NUP58: variants seen among roughly 807,000 people sequenced by gnomAD.
The protein encoded by NUP58 is nucleoporin 58.
In NUP58, 17 loss-of-function variants were observed where a neutral mutation model predicts 70.1. The observed-to-expected ratio is 0.24, with a 90% confidence interval of 0.17 to 0.36. The LOEUF (loss-of-function observed/expected upper bound fraction) is 0.36, where lower values mean the gene tolerates loss of function less well. Among genes scored for constraint, NUP58 ranks in the 10% least tolerant of loss-of-function variants. The pLI is 1.00. For missense variants in NUP58, 644 were observed against 701.5 expected, an observed-to-expected ratio of 0.92 and a Z score of 0.93; for synonymous variants, 275 against 257.6, an observed-to-expected ratio of 1.07 and a Z score of -0.65.
intron 6 of NUP58, 63 bp downstream of exon 6, chr13:25,315,530 C>A: frequency 8.7e-7 from 1 of 1,149,262 alleles, no homozygotes; most frequent in South Asian, 1.3e-5. Flanking sequence ...CTAGGTTGCT[C>A]AAAATTCCTT....
chr13:25,323,696 T>G (rs1193121299), intron 9 of NUP58, among the ~76,000 whole-genome samples: 1 of 111,664 alleles, frequency 9.0e-6, no homozygotes. Flanking sequence ...TATACTTCAT[T>G]TTTAATAAGT....
chr13:25,342,518 C>G (rs2031986012), downstream of NUP58: 1 of 152,538 alleles, frequency 6.6e-6, no homozygotes. Context: ...GTTTATACAT[C>G]TTGCTCTTTT....
intron 12 of NUP58, among the ~76,000 whole-genome samples, chr13:25,327,978 A>G (rs2031461818): frequency 6.6e-6 from 1 of 152,086 alleles, no homozygotes; most frequent in African/African-American, 2.4e-5. Context: ...AGGCGGGCGA[A>G]TCACAAAGTC....
intron 3 of NUP58, chr13:25,349,478 C>T (rs530315285): frequency 6.6e-6 from 1 of 152,632 alleles, no homozygotes; most frequent in East Asian, 1.9e-4. Context: ...ACGTAAGGTG[C>T]TTAAATATAT....
chr13:25,304,293 G>A (rs2137702090), intron 1 of NUP58, among the ~76,000 whole-genome samples: 1 of 151,924 alleles, frequency 6.6e-6, no homozygotes, highest in South Asian at 2.1e-4. Flanking sequence ...ACATTGGTTT[G>A]AGGCAATAAT....
At chr13:25,308,148 T>A (rs1041616041) in intron 2 of NUP58, 200 bp downstream of exon 2, 1 of 464,564 alleles carries the variant, frequency 2.2e-6, no homozygotes, top group Non-Finnish European at 3.7e-6. Context: ...TACTCTGATA[T>A]AACGAAGGAA....
chr13:25,308,482 TTTTTTTAC>T (rs1218499041), intron 2 of NUP58, among the ~76,000 whole-genome samples: 4 of 147,468 alleles, frequency 2.7e-5, no homozygotes, highest in African/African-American at 8.0e-5. Context: ...TTTTTTTTTT[TTTTTTTAC>T]TTTTTTACTT....
intron 10 of NUP58, 55 bp from the exon 11 acceptor site, chr13:25,326,861 T>A: frequency 2.1e-6 from 2 of 944,044 alleles, no homozygotes; most frequent in South Asian, 3.2e-5. Context: ...TAATTTGGAT[T>A]TGTCACTCCA....
chr13:25,331,612 G>A, intron 13 of NUP58, 54 bp downstream of exon 13: 1 of 1,567,848 alleles, frequency 6.4e-7, no homozygotes, highest in Non-Finnish European at 8.7e-7. Flanking sequence ...GAACATTTAT[G>A]TGCGTTTTTA....
At chr13:25,316,447 CTT>C (rs67067603) in intron 6 of NUP58, among the ~76,000 whole-genome samples, 26 of 151,934 alleles carry the variant, frequency 1.7e-4, no homozygotes, top group African/African-American at 6.0e-4. Context: ...ATCTATATGA[CTT>C]TTTTTTTAAA....
intron 12 of NUP58, 74 bp downstream of exon 12, chr13:25,327,586 C>A: frequency 2.2e-6 from 2 of 908,450 alleles, no homozygotes; most frequent in Non-Finnish European, 3.4e-6. Context: ...ACAAATGTGT[C>A]CATGCTTGAT....
chr13:25,343,614 T>G (rs1301121087), downstream of NUP58, among the ~76,000 whole-genome samples: 2 of 151,190 alleles, frequency 1.3e-5, no homozygotes, highest in Non-Finnish European at 2.9e-5. Context: ...CCTGGCTAAT[T>G]TTTGTATTTT....
At position 25,301,871 on chromosome 13, in the gene NUP58, G is replaced by A. The variant is rs764534111; in HGVS notation, c.98G>A (p.Gly33Glu). 2.5e-6 allele frequency: 4 copies of A among 1,611,374 alleles called. No homozygotes were observed. In the African/African-American group the frequency reaches 4.0e-5, roughly 16 times the overall value. The change falls in exon 1 of 16, where the codon GGA becomes GAA. Residue 33 changes from glycine (G) to glutamate (E), a missense_variant. Around this residue, in one of 4 missense-constraint regions of NUP58, gnomAD observed 430 missense variants for 409.2 expected, o/e 1.05. Transcript: ENST00000381736. ...GGCGGCGTTTTCTCCTTCGGAACGG[G>A]AGCGTCTAGGTAACCGCACTTTCTC... ...STGGVFSFGT[G>E]ASSNPSVGLN...
intron 13 of NUP58, chr13:25,333,452 A>T (rs2031678494): frequency 2.2e-5 from 22 of 985,312 alleles, no homozygotes; most frequent in Non-Finnish European, 2.5e-5. Context: ...TGAAGTCCAC[A>T]TAAGGGCTTT....
intron 8 of NUP58, 35 bp downstream of exon 8, chr13:25,320,630 GA>G: frequency 6.9e-7 from 1 of 1,454,476 alleles, no homozygotes; most frequent in South Asian, 1.2e-5. Context: ...AATAACACTT[GA>G]AGAATTCTAG....
At chr13:25,337,095 T>C in intron 14 of NUP58, 61 bp downstream of exon 14, 1 of 1,128,114 alleles carries the variant, frequency 8.9e-7, no homozygotes, top group South Asian at 1.8e-5. Context: ...GATACTAGCC[T>C]GTAAAAAAAA....
intron 1 of NUP58, among the ~76,000 whole-genome samples, chr13:25,305,304 C>G (rs755508626): frequency 6.6e-6 from 1 of 151,722 alleles, no homozygotes; most frequent in East Asian, 1.9e-4. Context: ...TGCATTGGCA[C>G]GCCTGGCTAA....
intron 1 of NUP58, chr13:25,302,957 C>G: frequency 2.2e-6 from 1 of 456,642 alleles, no homozygotes; most frequent in East Asian, 6.9e-5. Context: ...TATTGTCATT[C>G]GTGGAACAAA....
intron 13 of NUP58, chr13:25,333,054 A>G: frequency 1.0e-6 from 1 of 984,910 alleles, no homozygotes; most frequent in Non-Finnish European, 1.2e-6. Context: ...GTTATATAAA[A>G]AGTTATGTTG....
Sources: gnomAD v4.1 joint callset for allele counts (sites outside exome capture counted in the v4.1 genomes callset) on GRCh38, gnomAD v4.1.1 for gene constraint, gnomAD v4.1.1 regional missense constraint, MANE v1.5 for transcripts, NCBI Gene and HGNC (gene_info 2026-07-23, HGNC 2026-07-21) for gene names.